Variants in FAM227B observed in about 807,000 individuals in gnomAD.
FAM227B encodes protein FAM227B.
In FAM227B, 88 loss-of-function variants were observed where a neutral mutation model predicts 73.8. The ratio of observed to expected loss-of-function variants is 1.19; its 90% CI spans 1.00 to 1.42. FAM227B has a LOEUF of 1.42. FAM227B is among the 40% of genes most tolerant of loss of function. The probability of loss-of-function intolerance (pLI) is 0.00; values close to 1 mark genes in which losing one functional copy is unlikely to be tolerated. For missense variants in FAM227B, 632 were observed against 590.9 expected, an observed-to-expected ratio of 1.07 and a Z score of -0.72; for synonymous variants, 210 against 190.5, an observed-to-expected ratio of 1.10 and a Z score of -0.84.
chr15:49,418,351 C>T (rs940334477), intron 11 of FAM227B, among the ~76,000 whole-genome samples: 1 of 152,120 alleles, frequency 6.6e-6, no homozygotes, highest in African/African-American at 2.4e-5. Context: ...ACCATAAAGA[C>T]ACATGCATGT....
intron 9 of FAM227B, among the ~76,000 whole-genome samples, chr15:49,549,765 C>T (rs952367785): frequency 3.3e-5 from 5 of 152,224 alleles, no homozygotes; most frequent in African/African-American, 4.8e-5. Flanking sequence ...ATCTTTTCCC[C>T]ACCTTTCCCC....
chr15:49,560,972 G>A lies in FAM227B; in HGVS notation c.747+7273C>T, dbSNP rs2074206560. Among the ~76,000 whole-genome samples, 2 of 152,114 alleles carry A rather than the reference G, an allele frequency of 1.3e-5. 1 individual carries two copies. The highest frequency in any genetic ancestry group is 2.9e-5 in the Non-Finnish European group (2 of 67,922). On this transcript the variant is annotated intron_variant, in intron 9 of 15. Coordinates refer to ENST00000299338, the MANE Select transcript of FAM227B (RefSeq NM_152647.3). ...TACCCAATAAAGCAAGTACATAATA[G>A]AAGATAGAAAACAATAAGCTAAGAA...
chr15:49,572,490 T>C (rs1014380349), intron 8 of FAM227B, among the ~76,000 whole-genome samples: 7 of 152,118 alleles, frequency 4.6e-5, no homozygotes, highest in African/African-American at 1.7e-4. Context: ...CTTTTTGATT[T>C]GTTCTTTGAC....
intron 11 of FAM227B, among the ~76,000 whole-genome samples, chr15:49,427,021 G>A (rs1179315141): frequency 6.6e-6 from 1 of 151,704 alleles, no homozygotes; most frequent in East Asian, 1.9e-4. Context: ...TTTTTCTATA[G>A]GAAGTCCTTA....
At chr15:49,522,138 G>C (rs2059835321) in intron 10 of FAM227B, among the ~76,000 whole-genome samples, 1 of 152,064 alleles carries the variant, frequency 6.6e-6, no homozygotes, top group African/African-American at 2.4e-5. Flanking sequence ...GCTACAACAG[G>C]AGCCATTTGA....
chr15:49,582,067 A>C (rs1212806549), intron 5 of FAM227B, among the ~76,000 whole-genome samples: 1 of 152,232 alleles, frequency 6.6e-6, no homozygotes, highest in Non-Finnish European at 1.5e-5. Flanking sequence ...AAGCAACCAC[A>C]TAAACAAATC....
chr15:49,365,402 ACAT>A, intron 13 of FAM227B: 1 of 1,093,790 alleles, frequency 9.1e-7, no homozygotes. Context: ...ACCAGTCTAA[ACAT>A]CAACTCTTCT....
At chr15:49,386,023 A>G (rs1353764147) in intron 11 of FAM227B, among the ~76,000 whole-genome samples, 1 of 151,928 alleles carries the variant, frequency 6.6e-6, no homozygotes, top group Non-Finnish European at 1.5e-5. Context: ...AGACCTAAGA[A>G]ATGAGATTGA....
At chr15:49,476,288 C>A (rs1475750462) in intron 11 of FAM227B, among the ~76,000 whole-genome samples, 2 of 114,162 alleles carry the variant, frequency 1.8e-5, no homozygotes, top group Non-Finnish European at 3.7e-5. Context: ...TTTATTTTTT[C>A]TGTGGAAAAA....
intron 10 of FAM227B, among the ~76,000 whole-genome samples, chr15:49,535,017 C>T (rs969632271): frequency 1.3e-5 from 2 of 151,018 alleles, no homozygotes; most frequent in South Asian, 2.1e-4. Context: ...TAACATTATG[C>T]CTTAAGGAAC....
chr15:49,349,024 C>G (rs1312717000), intron 13 of FAM227B, among the ~76,000 whole-genome samples: 1 of 152,120 alleles, frequency 6.6e-6, no homozygotes, highest in Non-Finnish European at 1.5e-5. Flanking sequence ...AATGATGTAA[C>G]TCACTCCCTG....
chr15:49,334,568 C>T (rs1243491559), intron 14 of FAM227B, among the ~76,000 whole-genome samples: 1 of 152,088 alleles, frequency 6.6e-6, no homozygotes, highest in Non-Finnish European at 1.5e-5. Flanking sequence ...TCCGTTTTTC[C>T]CACTAAGCAC....
intron 5 of FAM227B, among the ~76,000 whole-genome samples, chr15:49,582,075 A>G (rs899166618): frequency 1.3e-5 from 2 of 152,130 alleles, no homozygotes; most frequent in African/African-American, 4.8e-5. Context: ...ACATAAACAA[A>G]TCTTCATAAT....
At chr15:49,561,402 CCA>C (rs945069829) in intron 9 of FAM227B, among the ~76,000 whole-genome samples, 2 of 152,046 alleles carry the variant, frequency 1.3e-5, no homozygotes, top group African/African-American at 4.8e-5. Flanking sequence ...AAAGACTTAG[CCA>C]CACAATATTA....
intron 13 of FAM227B, among the ~76,000 whole-genome samples, chr15:49,359,663 T>C (rs865834198): frequency 2.2e-4 from 29 of 134,080 alleles, no homozygotes; most frequent in African/African-American, 6.2e-4. Flanking sequence ...AGTTCAACCC[T>C]TGTGGAAGTC....
At chr15:49,363,559 T>A (rs770220077) in intron 13 of FAM227B, among the ~76,000 whole-genome samples, 1 of 152,178 alleles carries the variant, frequency 6.6e-6, no homozygotes, top group Non-Finnish European at 1.5e-5. Flanking sequence ...TAGGATCATA[T>A]TGTCTATAAA....
chr15:49,338,246 A>G (rs187991423), intron 13 of FAM227B, among the ~76,000 whole-genome samples: 11 of 152,162 alleles, frequency 7.2e-5, no homozygotes, highest in Admixed American at 5.9e-4. Flanking sequence ...ACAATTTGGT[A>G]TGTTTTTGCA....
intron 11 of FAM227B, among the ~76,000 whole-genome samples, chr15:49,478,289 T>A (rs944969077): frequency 3.9e-5 from 6 of 152,196 alleles, no homozygotes; most frequent in Non-Finnish European, 8.8e-5. Flanking sequence ...TTGCCCTTTG[T>A]GTATCTTTAG....
intron 11 of FAM227B, among the ~76,000 whole-genome samples, chr15:49,440,638 A>G (rs1166015559): frequency 1.3e-5 from 2 of 151,732 alleles, no homozygotes; most frequent in Non-Finnish European, 3.0e-5. Flanking sequence ...GGTATTAACT[A>G]TTTGTCAGGC....
Sources: gnomAD v4.1 joint callset for allele counts (sites outside exome capture counted in the v4.1 genomes callset) on GRCh38, gnomAD v4.1.1 for gene constraint, MANE v1.5 for transcripts, NCBI Gene and HGNC (gene_info 2026-07-23, HGNC 2026-07-21) for gene names.